Variants in C14orf93 observed in about 807,000 individuals in gnomAD.
The protein encoded by C14orf93 is uncharacterized protein C14orf93.
A neutral mutation model predicts 44.0 loss-of-function variants in C14orf93; 23 were observed. The ratio of observed to expected loss-of-function variants is 0.52; its 90% CI spans 0.38 to 0.74. The LOEUF is 0.74. Ranked by LOEUF, C14orf93 falls within the 30% of genes least tolerant of loss-of-function variation. The pLI, the probability that C14orf93 is intolerant of heterozygous loss-of-function variation, is 0.00. For synonymous variants in C14orf93, 253 were observed against 265.7 expected (o/e 0.95, Z 0.46); for missense variants, 579 against 678.9 (o/e 0.85, Z 1.64).
chr14:23,008,994 G>C (rs1164268534), intron 1 of C14orf93, among the ~76,000 whole-genome samples: 1 of 152,154 alleles, frequency 6.6e-6, no homozygotes, highest in African/African-American at 2.4e-5. Flanking sequence ...AGCCAAGAAA[G>C]AACTTCCCTT....
Position 22,996,981 on chromosome 14 carries a change from A to ATG in C14orf93, c.598-714_598-713insCA, listed in dbSNP as rs1378182212. ...ACTGAAAGTGGGGACACACACGCAC[A>ATG]CGCACACACACACACACACACACAC... On this transcript the variant is annotated intron_variant, in intron 2 of 6. Coordinates refer to ENST00000299088, the MANE Select transcript of C14orf93 (RefSeq NM_021944.4). The surrounding 1 kb of genome is among the most constrained non-coding windows in gnomAD (Gnocchi z 4.1). Among the ~76,000 whole-genome samples, 2 of 49,516 alleles carry ATG rather than the reference A, an allele frequency of 4.0e-5. No homozygotes were observed. The highest frequency in any genetic ancestry group is 2.2e-4 in the African/African-American group (2 of 8,962). 32.5% of individuals were successfully genotyped at this position (49,516 alleles called of 152,430 possible).
At chr14:23,005,158 C>T (rs889419444) in intron 1 of C14orf93, 3 of 151,798 alleles carry the variant, frequency 2.0e-5, no homozygotes, top group Non-Finnish European at 2.9e-5. Flanking sequence ...AATTACAGGA[C>T]TTAACAGGGT....
At chr14:22,988,523 C>T (rs1391222326) in intron 5 of C14orf93, among the ~76,000 whole-genome samples, 2 of 152,072 alleles carry the variant, frequency 1.3e-5, no homozygotes, top group African/African-American at 2.4e-5. Flanking sequence ...TGTTATGAGA[C>T]AGGGTCTCGC....
chr14:23,007,023 G>C (rs1367573711), intron 1 of C14orf93: 1 of 152,330 alleles, frequency 6.6e-6, no homozygotes, highest in African/African-American at 2.4e-5. Context: ...CGGAGGTGCA[G>C]CTTTGCAGCC....
Position 22,987,251 on chromosome 14 carries a change from G to A in C14orf93, c.1581C>T (p.Asn527=), listed in dbSNP as rs1401002169. 1.9e-6 allele frequency: 3 copies of A among 1,614,164 alleles called. No homozygotes were observed. The highest frequency in any genetic ancestry group is 2.5e-6 in the Non-Finnish European group (3 of 1,179,972). The change falls in exon 7 of 7, where the codon AAC becomes AAT. Residue 527 remains asparagine, a synonymous_variant. Transcript: ENST00000299088. This position sits in a 1 kb window ranked among gnomAD's most constrained non-coding sequence, Gnocchi z 5.6. ...QPHKTCCPDL[N]SFIEIKVEKD... ...TTTCCACCTTGATTTCAATGAATGA[G>A]TTCAAGTCAGGACAGCAGGTTTTGT...
intron 4 of C14orf93, 62 bp from the exon 5 acceptor site, chr14:22,989,907 A>C (rs1314191288): frequency 1.6e-5 from 24 of 1,501,806 alleles, no homozygotes; most frequent in Non-Finnish European, 2.1e-5. Context: ...ACAAACAGAG[A>C]TACCCAGCAC....
At chr14:23,007,504 C>T (rs1364441099) in intron 1 of C14orf93, among the ~76,000 whole-genome samples, 1 of 152,182 alleles carries the variant, frequency 6.6e-6, no homozygotes, top group Non-Finnish European at 1.5e-5. Flanking sequence ...TCACATGTCA[C>T]CTGCAAATTA....
In C14orf93 at chr14:22,986,953, C is replaced by T; in HGVS notation, c.*262G>A. ...GACCCATCCTCCTCATTTTCTCATC[C>T]CAGGCTTCTCCGAGATACTGTTTAT... On this transcript the variant is annotated 3_prime_UTR_variant, in exon 7 of 7. Transcript: ENST00000299088. The T allele has an allele frequency of 2.0e-6, 1 of 489,190 alleles. No individual in the cohort carries two copies. The allele number at this position is 489,190 out of a possible 1,614,324, so 30.3% of individuals were successfully genotyped here.
At chr14:23,001,500 T>G (rs2046294628) in intron 1 of C14orf93, among the ~76,000 whole-genome samples, 1 of 152,208 alleles carries the variant, frequency 6.6e-6, no homozygotes. Flanking sequence ...AGTCTCGCTC[T>G]GTTGCCCAGG....
At chr14:23,004,056 T>C (rs1479013089) in intron 1 of C14orf93, among the ~76,000 whole-genome samples, 1 of 145,378 alleles carries the variant, frequency 6.9e-6, no homozygotes, top group African/African-American at 2.6e-5. Flanking sequence ...ACTACAGGCA[T>C]GTGCCACCAC....
intron 5 of C14orf93, among the ~76,000 whole-genome samples, chr14:22,989,135 C>G (rs1220251081): frequency 6.6e-6 from 1 of 152,110 alleles, no homozygotes; most frequent in Non-Finnish European, 1.5e-5. Context: ...ATGCATGCCA[C>G]CCCACCCAGT....
At chr14:22,994,863 G>A (rs542783869) in intron 3 of C14orf93, among the ~76,000 whole-genome samples, 5 of 152,138 alleles carry the variant, frequency 3.3e-5, no homozygotes, top group South Asian at 4.1e-4. Context: ...GGGGGCTGTC[G>A]TGTGCACTGC....
At position 22,996,067 on chromosome 14, in the gene C14orf93, C is replaced by A. The variant is rs1239100993; in HGVS notation, c.799G>T (p.Glu267Ter). 2 of 1,614,082 alleles carry A rather than the reference C, an allele frequency of 1.2e-6. No individual in the cohort carries two copies. Among genetic ancestry groups the A allele is most frequent in the East Asian group, 2.2e-5 (1 of 44,898 alleles). ...AAAALDSALE[E>*]SGPGSTGELR... ...TCCCCAGTGCTCCCAGGGCCTGACT[C>A]TTCCAAGGCACTGTCCAGCGCAGCA... Residue 267 changes from glutamate (E) to a stop codon, truncating the protein, a stop_gained, in exon 3 of 7, where the codon GAG (glutamate) becomes TAG (stop). Transcript: ENST00000299088. LOFTEE classifies it high-confidence loss of function. This position sits in a 1 kb window ranked among gnomAD's most constrained non-coding sequence, Gnocchi z 4.1.
intron 1 of C14orf93, among the ~76,000 whole-genome samples, chr14:23,004,255 G>A (rs1393390918): frequency 6.7e-6 from 1 of 149,870 alleles, no homozygotes; most frequent in African/African-American, 2.5e-5. Flanking sequence ...CTGTCGCCCA[G>A]GCTGGAGTGC....
chr14:22,987,614 A>G lies in C14orf93; in HGVS notation c.1218T>C (p.Ser406=), dbSNP rs752513535. 29 of 1,598,404 alleles carry G rather than the reference A, an allele frequency of 1.8e-5. No homozygotes were observed. Among genetic ancestry groups the G allele is most frequent in the Non-Finnish European group, 2.3e-5 (27 of 1,171,536 alleles). ...RRYRLFANRS[S]IMRHFGPEDQ... ...CCTCAGGTCCAAAATGCCTCATGAT[A>G]CTGGATCGGTTGGCAAAAAGCTAAG... The change falls in exon 7 of 7, where the codon AGT becomes AGC. Residue 406 remains serine (S), a synonymous_variant. Coordinates refer to ENST00000299088, the MANE Select transcript of C14orf93 (RefSeq NM_021944.4). The surrounding 1 kb of genome is among the most constrained non-coding windows in gnomAD (Gnocchi z 5.6).
In C14orf93 at chr14:22,998,583, G is replaced by A. The variant is rs368278703; in HGVS notation, c.441C>T (p.Ser147=). ...ALSAVEEECD[S]VGSGVQVVIE... is the part of the protein sequence containing the mutation. The stretch of plus-strand genomic sequence containing the variant: ...TCACCACCTGCACGCCGCTGCCCAC[G>A]CTGTCACACTCCTCTTCCACGGCAG... The change falls in exon 2 of 7, where the codon AGC becomes AGT. Residue 147 remains serine (S), a synonymous_variant. Transcript: ENST00000299088. 8.4e-5 allele frequency: 136 copies of A among 1,614,020 alleles called. No homozygotes were observed. The highest frequency in any genetic ancestry group is 1.1e-4 in the Non-Finnish European group (126 of 1,180,028).
rs771240560 is a variant in C14orf93, at chr14:22,996,310, T to G, written c.598-42A>C. On this transcript the variant is annotated intron_variant, in intron 2 of 6. Coordinates refer to ENST00000299088, the MANE Select transcript of C14orf93 (RefSeq NM_021944.4). The surrounding 1 kb of genome is among the most constrained non-coding windows in gnomAD (Gnocchi z 4.1). ...TAATAGCCTATTAGCCAGCCAGGCT[T>G]AGGGGAACCTGGTTAACCATCATTC... The G allele has an allele frequency of 6.7e-7, 1 of 1,500,618 alleles. No individual in the cohort carries two copies. Among genetic ancestry groups the G allele is most frequent in the South Asian group, 1.3e-5 (1 of 74,964 alleles). 93.0% of individuals were successfully genotyped at this position (1,500,618 alleles called of 1,614,324 possible).
chr14:22,999,180 C>A lies in C14orf93; in HGVS notation c.-157G>T. ...GTCTGTGAAAGAAGAGTAAACAAGC[C>A]ATGAAGAAGCACACAGTCCATGGCG... is the stretch of plus-strand genomic sequence containing the variant. On this transcript the variant is annotated 5_prime_UTR_variant, in exon 2 of 7. The change abolishes an upstream ATG in the 5' untranslated region. Transcript: ENST00000299088. 8.4e-7 allele frequency: 1 copy of A among 1,197,404 alleles called. No homozygotes were observed. The highest frequency in any genetic ancestry group is 1.1e-6 in the Non-Finnish European group (1 of 879,784). The allele number at this position is 1,197,404 out of a possible 1,614,324, so 74.2% of individuals were successfully genotyped here. A position where few individuals can be genotyped will look rare whatever the true frequency, so the allele number is the denominator to read the frequency against.
At position 22,998,987 on chromosome 14, in the gene C14orf93, T is replaced by C. The variant is rs2046161698; in HGVS notation, c.37A>G (p.Ser13Gly). 1 of 1,612,958 alleles carries C rather than the reference T, an allele frequency of 6.2e-7. No homozygotes were observed. Among genetic ancestry groups the C allele is most frequent in the South Asian group, 1.1e-5 (1 of 91,030 alleles). The change falls in exon 2 of 7, where the codon AGT (serine) becomes GGT (glycine). Residue 13 changes from serine (S) to glycine (G), a missense_variant. Ser to Gly is a moderately conservative substitution (Grantham distance 56, BLOSUM62 0). Coordinates refer to ENST00000299088, the MANE Select transcript of C14orf93 (RefSeq NM_021944.4). ...FSATILFSPP[S>G]GSEARCCCCA... ...CAGCAGCATCTGGCCTCGCTGCCACTGGGAGGGGAGAAGAGAATGGTGGCA... is the reference window on the plus strand; with the variant it reads ...CAGCAGCATCTGGCCTCGCTGCCACCGGGAGGGGAGAAGAGAATGGTGGCA...
Sources: allele counts gnomAD v4.1 joint callset (sites outside exome capture counted in the v4.1 genomes callset), GRCh38; gene constraint gnomAD v4.1.1; non-coding constraint Gnocchi (gnomAD v3.1); transcripts MANE v1.5; gene names NCBI Gene and HGNC (gene_info 2026-07-23, HGNC 2026-07-21).